ZNF254: variants seen among roughly 807,000 people sequenced by gnomAD.
ZNF254 encodes zinc finger protein 254.
A neutral mutation model predicts 12.4 loss-of-function variants in ZNF254; 10 were observed. The ratio of observed to expected loss-of-function variants is 0.80; its 90% CI spans 0.50 to 1.36. The LOEUF (loss-of-function observed/expected upper bound fraction) is 1.36, where lower values mean the gene tolerates loss of function less well. Ranked by LOEUF, ZNF254 falls within the 40% of genes most tolerant of loss-of-function variation. ZNF254 has a pLI of 0.00. For synonymous variants in ZNF254, 305 were observed against 253.4 expected (o/e 1.20, Z -1.93); for missense variants, 996 against 763.9 (o/e 1.30, Z -3.58).
chr19:24,042,231 C>T (rs926492034), intron 1 of ZNF254, among the ~76,000 whole-genome samples: 1 of 152,148 alleles, frequency 6.6e-6, no homozygotes, highest in Non-Finnish European at 1.5e-5. Context: ...TCTAACTAAT[C>T]TGATGGGGAG....
intron 1 of ZNF254, among the ~76,000 whole-genome samples, chr19:24,088,162 C>T (rs562360873): frequency 6.6e-6 from 1 of 152,140 alleles, no homozygotes; most frequent in South Asian, 2.1e-4. Context: ...CCCACCTTGG[C>T]CTCCGAAAGT....
intron 3 of ZNF254, among the ~76,000 whole-genome samples, chr19:24,123,617 C>T (rs1974633650): frequency 6.6e-6 from 1 of 152,058 alleles, no homozygotes; most frequent in South Asian, 2.1e-4. Context: ...TGCGTGCGTG[C>T]ACAAACACAT....
At chr19:24,058,954 T>C (rs1970967319) in intron 2 of ZNF254, among the ~76,000 whole-genome samples, 1 of 152,226 alleles carries the variant, frequency 6.6e-6, no homozygotes, top group African/African-American at 2.4e-5. Flanking sequence ...GCCTAGTTCC[T>C]TCTCACAAAA....
At chr19:24,077,027 G>T (rs1971683687) in intron 2 of ZNF254, among the ~76,000 whole-genome samples, 1 of 152,162 alleles carries the variant, frequency 6.6e-6, no homozygotes, top group Non-Finnish European at 1.5e-5. Flanking sequence ...TCTCTCTGAG[G>T]CTCACCTGAG....
At chr19:24,074,315 A>C (rs755002015) in intron 2 of ZNF254, among the ~76,000 whole-genome samples, 10 of 152,180 alleles carry the variant, frequency 6.6e-5, no homozygotes, top group Non-Finnish European at 1.5e-4. Context: ...TCTTCTAAGT[A>C]GGTTCTGCTC....
chr19:24,086,579 G>A (rs1972048769), upstream of ZNF254, among the ~76,000 whole-genome samples: 1 of 152,078 alleles, frequency 6.6e-6, no homozygotes, highest in Admixed American at 6.5e-5. Flanking sequence ...CCAGGTTCAA[G>A]CAGTTCTCCT....
At chr19:24,076,604 C>A (rs923210411) in intron 2 of ZNF254, among the ~76,000 whole-genome samples, 1 of 152,052 alleles carries the variant, frequency 6.6e-6, no homozygotes, top group African/African-American at 2.4e-5. Flanking sequence ...GGTTTGAATG[C>A]CTCTGACATA....
intron 2 of ZNF254, among the ~76,000 whole-genome samples, chr19:24,069,358 C>T (rs1971395266): frequency 1.3e-5 from 2 of 148,606 alleles, no homozygotes; most frequent in African/African-American, 2.5e-5. Context: ...CCTGTAATCC[C>T]AGCACTTTGG....
chr19:24,042,468 G>A (rs949684921), intron 1 of ZNF254, among the ~76,000 whole-genome samples: 1 of 152,088 alleles, frequency 6.6e-6, no homozygotes, highest in Non-Finnish European at 1.5e-5. Context: ...CTCACTCTTT[G>A]GGTGCACGCT....
At chr19:24,049,866 C>T (rs1416114642) in intron 2 of ZNF254, among the ~76,000 whole-genome samples, 2 of 151,872 alleles carry the variant, frequency 1.3e-5, no homozygotes, top group Non-Finnish European at 2.9e-5. Flanking sequence ...CTGCTTGGCC[C>T]CTACTCACAG....
chr19:24,116,555 T>G (rs536924826), intron 3 of ZNF254, among the ~76,000 whole-genome samples: 2 of 152,270 alleles, frequency 1.3e-5, no homozygotes, highest in South Asian at 4.1e-4. Flanking sequence ...ATCAGCTCCT[T>G]TAAGCACTTC....
At position 24,127,954 on chromosome 19, in the gene ZNF254, C is replaced by A. The variant is rs373466420; in HGVS notation, c.1954C>A (p.His652Asn). The A allele has an allele frequency of 5.7e-6, 9 of 1,565,756 alleles. No individual in the cohort carries two copies. The highest frequency in any genetic ancestry group is 7.7e-6 in the Non-Finnish European group (9 of 1,161,716). ...GCACCTCACCACAGATAAGATAACT[C>A]ATTGGAGAGAAATCTTACAAGTATG... is the stretch of plus-strand genomic sequence containing the variant. ...SSHLTTDKIT[H>N]WREILQV The change falls in exon 4 of 4, where the codon CAT (histidine) becomes AAT (asparagine). Residue 652 changes from histidine to asparagine, a missense_variant. By Grantham distance (68) the His-to-Asn change is moderately conservative. Transcript: ENST00000357002.
intron 1 of ZNF254, among the ~76,000 whole-genome samples, chr19:24,044,550 AAAT>A (rs1970306437): frequency 2.8e-5 from 2 of 71,696 alleles, no homozygotes; most frequent in African/African-American, 1.9e-4. Flanking sequence ...AAAAAAAAAT[AAAT>A]AAATAAATAC....
intron 1 of ZNF254, among the ~76,000 whole-genome samples, chr19:24,041,889 GTATC>G (rs1970180950): frequency 6.6e-6 from 1 of 152,036 alleles, no homozygotes; most frequent in Non-Finnish European, 1.5e-5. Flanking sequence ...TCCACACTCT[GTATC>G]TAGCTGCTCT....
Position 24,087,354 on chromosome 19 carries a change from G to A in ZNF254, c.30+17G>A. On this transcript the variant is annotated intron_variant, in intron 1 of 3. Transcript: ENST00000357002. Reference sequence around the variant, plus strand: ...CTAGAAATGGTGAGAATGCCAGTCCGACATCCCGAGAGAGGGGAGGGGGCT... The same window carrying A: ...CTAGAAATGGTGAGAATGCCAGTCCAACATCCCGAGAGAGGGGAGGGGGCT... 1.2e-6 allele frequency: 2 copies of A among 1,613,336 alleles called. No individual in the cohort carries two copies. Among genetic ancestry groups the A allele is most frequent in the African/African-American group, 1.3e-5 (1 of 75,030 alleles).
At chr19:24,094,665 C>G (rs534240740) in intron 1 of ZNF254, among the ~76,000 whole-genome samples, 1 of 152,052 alleles carries the variant, frequency 6.6e-6, no homozygotes, top group African/African-American at 2.4e-5. Context: ...TGCCAGTTTC[C>G]AAAGAAGAAT....
intron 1 of ZNF254, among the ~76,000 whole-genome samples, chr19:24,036,072 G>GTTTT (rs1056271661): frequency 6.6e-6 from 1 of 151,154 alleles, no homozygotes; most frequent in African/African-American, 2.5e-5. Flanking sequence ...GTTTTGTTTT[G>GTTTT]TTTTTTTGAG....
intron 1 of ZNF254, among the ~76,000 whole-genome samples, chr19:24,039,769 A>G (rs1970091306): frequency 6.6e-6 from 1 of 152,240 alleles, no homozygotes; most frequent in African/African-American, 2.4e-5. Context: ...AGAATGAAGA[A>G]GGGAGTTGCA....
chr19:24,123,745 T>C (rs1974644113), intron 3 of ZNF254, among the ~76,000 whole-genome samples: 1 of 152,080 alleles, frequency 6.6e-6, no homozygotes, highest in African/African-American at 2.4e-5. Context: ...TTATAAAATA[T>C]TATAATTTTT....
Sources: allele counts gnomAD v4.1 joint callset (sites outside exome capture counted in the v4.1 genomes callset), GRCh38; gene constraint gnomAD v4.1.1; transcripts MANE v1.5; gene names NCBI Gene and HGNC (gene_info 2026-07-23, HGNC 2026-07-21).